SPATA13: variants seen among roughly 807,000 people sequenced by gnomAD.
The protein encoded by SPATA13 is spermatogenesis-associated protein 13.
Under a neutral mutation model 104.0 loss-of-function variants are expected in SPATA13, and 50 were observed. The ratio of observed to expected loss-of-function variants is 0.48; its 90% CI spans 0.38 to 0.61. The LOEUF is 0.61. Among genes scored for constraint, SPATA13 ranks in the 20% least tolerant of loss-of-function variants. The pLI is 0.00. For synonymous variants in SPATA13, 606 were observed against 667.5 expected (o/e 0.91, Z 1.42); for missense variants, 1,524 against 1,690.6 (o/e 0.90, Z 1.73).
intron 3 of SPATA13, among the ~76,000 whole-genome samples, chr13:24,081,316 CTTATTTTATT>C (rs907920041): frequency 1.3e-5 from 2 of 152,154 alleles, no homozygotes; most frequent in African/African-American, 4.8e-5. Context: ...AGGCCCTTCT[CTTATTTTATT>C]TTATTTTATT....
At chr13:24,169,526 A>G (rs1479239097) in intron 1 of SPATA13, among the ~76,000 whole-genome samples, 1 of 152,178 alleles carries the variant, frequency 6.6e-6, no homozygotes, top group Non-Finnish European at 1.5e-5. Context: ...GCTCGAAAGC[A>G]GACACCTTCT....
rs149803832 is a variant in SPATA13, at chr13:24,056,239, G to C, written c.-112+38538G>C. 1.8e-4 allele frequency among the ~76,000 whole-genome samples: 28 copies of C among 152,308 alleles called. No homozygotes were observed. In the East Asian group the frequency reaches 5.4e-3, roughly 29 times the overall value. ...AGAAGTGATGAAGGAATAGAACAAA[G>C]TGTCCAGAACAGCCTCAGTGAATAT... is the stretch of plus-strand genomic sequence containing the variant. On this transcript the variant is annotated intron_variant, in intron 3 of 14. Transcript: ENST00000424834.
intron 3 of SPATA13, among the ~76,000 whole-genome samples, chr13:24,083,959 T>C (rs969220812): frequency 6.6e-6 from 1 of 152,170 alleles, no homozygotes; most frequent in Non-Finnish European, 1.5e-5. Context: ...GCAATATGCA[T>C]GGATTTTAGG....
At chr13:24,089,261 G>A (rs150652967) in intron 3 of SPATA13, among the ~76,000 whole-genome samples, 141 of 152,210 alleles carry the variant, frequency 9.3e-4, no homozygotes, top group Non-Finnish European at 1.7e-3. Context: ...TTTGCTGTTC[G>A]TATGGTCATA....
chr13:24,006,990 C>T (rs1203738164), intron 2 of SPATA13, among the ~76,000 whole-genome samples: 1 of 152,148 alleles, frequency 6.6e-6, no homozygotes, highest in Non-Finnish European at 1.5e-5. Context: ...GTGCACCCCT[C>T]CTTCCTTCCG....
chr13:24,190,061 ATATACTAT>A (rs1292541059), intron 1 of SPATA13, among the ~76,000 whole-genome samples: 4 of 93,616 alleles, frequency 4.3e-5, no homozygotes, highest in East Asian at 4.1e-4. Context: ...ACATATAATG[ATATACTAT>A]ATATATTATT....
intron 3 of SPATA13, among the ~76,000 whole-genome samples, chr13:24,097,361 C>T (rs1470725779): frequency 2.0e-5 from 3 of 152,092 alleles, no homozygotes; most frequent in Admixed American, 1.3e-4. Flanking sequence ...TCAGGAAATT[C>T]GCAGCCTGGT....
intron 1 of SPATA13, among the ~76,000 whole-genome samples, chr13:24,200,816 CA>C (rs1566147267): frequency 6.6e-6 from 1 of 151,600 alleles, no homozygotes; most frequent in Non-Finnish European, 1.5e-5. Context: ...AAGTTTAAAA[CA>C]AATAAAACAA....
chr13:24,041,170 A>T (rs995282321), intron 3 of SPATA13, among the ~76,000 whole-genome samples: 1 of 152,242 alleles, frequency 6.6e-6, no homozygotes, highest in African/African-American at 2.4e-5. Context: ...TTCAACCCAC[A>T]GTAGCTCAGA....
intron 2 of SPATA13, among the ~76,000 whole-genome samples, chr13:24,236,595 CAA>C (rs60473362): frequency 0.22 from 26,062 of 117,712 alleles, 2,244 homozygotes; most frequent in Admixed American, 0.32. Context: ...GACTCCATCT[CAA>C]AAAAAAAAAA....
intron 12 of SPATA13, 108 bp from the exon 13 acceptor site, chr13:24,302,486 AAAAG>A: frequency 2.4e-5 from 11 of 459,288 alleles, no homozygotes; most frequent in South Asian, 7.5e-5. Flanking sequence ...AAAAAAAAAA[AAAAG>A]AATTAGCTGA....
intron 2 of SPATA13, chr13:23,983,962 G>T (rs1030796179): frequency 7.1e-6 from 7 of 985,196 alleles, no homozygotes; most frequent in Non-Finnish European, 8.4e-6. Flanking sequence ...TGCCTGCATG[G>T]CATTATCCAT....
Position 24,006,052 on chromosome 13 carries a change from G to A in SPATA13, c.-146-11615G>A, listed in dbSNP as rs182455999. The stretch of plus-strand genomic sequence containing the variant: ...CAGACTGGCTGGGCTGCAAGCAGCC[G>A]GAGGTGCCTGCTGTGTTCCTGCAGT... On this transcript the variant is annotated intron_variant, in intron 2 of 14. Transcript: ENST00000424834. 5.4e-3 allele frequency among the ~76,000 whole-genome samples: 815 copies of A among 152,322 alleles called. 1 individual carries two copies. Among genetic ancestry groups the A allele is most frequent in the Non-Finnish European group, 8.0e-3 (542 of 68,014 alleles).
intron 3 of SPATA13, among the ~76,000 whole-genome samples, chr13:24,095,524 A>G (rs145013243): frequency 6.6e-6 from 1 of 152,292 alleles, no homozygotes; most frequent in East Asian, 1.9e-4. Context: ...GTGGGAATGC[A>G]CCTGATGCCA....
rs140294021 is a variant in SPATA13, at chr13:24,266,696, G to A, written c.2164+14834G>A. On this transcript the variant is annotated intron_variant, in intron 4 of 12. Coordinates refer to ENST00000382108, the MANE Select transcript of SPATA13 (RefSeq NM_001166271.3). ...TCCCTGTGCTTAATCCTTTTACAGTGTTGCCAATAATCAATGATGGTCATT... is the reference window on the plus strand; with the variant it reads ...TCCCTGTGCTTAATCCTTTTACAGTATTGCCAATAATCAATGATGGTCATT... Among the ~76,000 whole-genome samples, 339 of 152,308 alleles carry A rather than the reference G, an allele frequency of 2.2e-3. 10 individuals carry two copies. Among genetic ancestry groups the A allele is most frequent in the Admixed American group, 0.02 (310 of 15,296 alleles).
intron 3 of SPATA13, chr13:24,123,319 G>A (rs1881101399): frequency 6.9e-7 from 1 of 1,454,590 alleles, no homozygotes; most frequent in Non-Finnish European, 9.7e-7. Context: ...GCTGTTTGAA[G>A]GTTCTGATCA....
chr13:24,076,371 A>G (rs536913657), intron 3 of SPATA13, among the ~76,000 whole-genome samples: 1 of 152,338 alleles, frequency 6.6e-6, no homozygotes, highest in East Asian at 1.9e-4. Context: ...GATGAAATAA[A>G]TCAATGGGAA....
At chr13:24,112,424 T>C (rs1161127092) in intron 3 of SPATA13, among the ~76,000 whole-genome samples, 7 of 152,208 alleles carry the variant, frequency 4.6e-5, no homozygotes, top group African/African-American at 1.7e-4. Flanking sequence ...CAACCAGAAC[T>C]TGAGCTCAGT....
chr13:24,224,852 A>G (rs1871840679), intron 2 of SPATA13: 2 of 523,716 alleles, frequency 3.8e-6, no homozygotes, highest in Non-Finnish European at 7.1e-6. Context: ...TTTATTGAAC[A>G]TGTACCAGGT....
Sources: gnomAD v4.1 joint callset for allele counts (sites outside exome capture counted in the v4.1 genomes callset) on GRCh38, gnomAD v4.1.1 for gene constraint, MANE v1.5 for transcripts, NCBI Gene and HGNC (gene_info 2026-07-23, HGNC 2026-07-21) for gene names.